EP400: variants seen among roughly 807,000 people sequenced by gnomAD.
The protein encoded by EP400 is E1A binding protein p400.
EP400 carries 105 observed loss-of-function variants against 354.1 expected under a neutral mutation model. The observed-to-expected ratio is 0.30, with a 90% CI of 0.25 to 0.35. The LOEUF (loss-of-function observed/expected upper bound fraction) is 0.35. Ranked by LOEUF, EP400 falls within the 10% of genes least tolerant of loss-of-function variation. EP400 has a pLI of 1.00. For synonymous variants in EP400, 1,646 were observed against 1,716.9 expected (o/e 0.96, Z 1.02); for missense variants, 3,280 against 4,121.0 (o/e 0.80, Z 5.59).
chr12:132,020,947 C>G (rs1894103391), intron 22 of EP400, 132 bp from the exon 23 acceptor site: 1 of 1,262,234 alleles, frequency 7.9e-7, no homozygotes, highest in South Asian at 1.7e-5. Flanking sequence ...CTCTTTTTTT[C>G]CTTAAGAGGG....
chr12:132,069,399 G>T (rs1420076676), intron 50 of EP400, 96 bp from the exon 51 acceptor site: 20 of 1,530,310 alleles, frequency 1.3e-5, no homozygotes, highest in Admixed American at 5.6e-5. Context: ...CTGGAAAGGG[G>T]CTGGGTTCTG....
chr12:132,028,077 C>T lies in EP400; in HGVS notation c.5170C>T (p.Arg1724Cys), dbSNP rs1303907188. The change falls in exon 27 of 53, where the codon CGC becomes TGC. Residue 1724 changes from arginine to cysteine, a missense_variant. Coordinates refer to ENST00000389561, the MANE Select transcript of EP400 (RefSeq NM_015409.5). ...LDQIYLVNER[R>C]CSQAPVYGRD... ...TCAGATTTATTTAGTCAACGAGCGG[C>T]GCTGTTCTCAAGCTCCAGTCTATGG... 2.5e-6 allele frequency: 4 copies of T among 1,614,040 alleles called. No homozygotes were observed. Among genetic ancestry groups the T allele is most frequent in the Middle Eastern group, 1.6e-4 (1 of 6,084 alleles).
rs1237901321 is a variant in EP400, at chr12:131,990,098, T to C, written c.2544T>C (p.Ile848=). ...AGATAGAGTGCTTTTGGTCGAATAT[T>C]GAACAGGCGAGTGCTGCCGTTGTCA... is the stretch of plus-strand genomic sequence containing the variant. ...AREIECFWSN[I]EQVVEIKLRV... is the part of the protein sequence containing the mutation. The change falls in exon 8 of 53, where the codon ATT becomes ATC. Residue 848 remains isoleucine (I), a synonymous_variant. Coordinates refer to ENST00000389561, the MANE Select transcript of EP400 (RefSeq NM_015409.5). This position sits in a 1 kb window ranked among gnomAD's most constrained non-coding sequence, Gnocchi z 4.2. 4 of 1,609,116 alleles carry C rather than the reference T, an allele frequency of 2.5e-6. No homozygotes were observed. The highest frequency in any genetic ancestry group is 1.7e-5 in the Admixed American group (1 of 58,040).
intron 30 of EP400, among the ~76,000 whole-genome samples, chr12:132,032,627 T>TTTG (rs1894555701): frequency 6.6e-6 from 1 of 151,972 alleles, no homozygotes; most frequent in African/African-American, 2.4e-5. Flanking sequence ...AATTAGTTTT[T>TTTG]TTTTTTTTTT....
At position 132,045,464 on chromosome 12, in the gene EP400, A is replaced by G. The variant is rs1895061245; in HGVS notation, c.6930A>G (p.Pro2310=). The change falls in exon 38 of 53, where the codon CCA becomes CCG. Residue 2310 remains proline, a synonymous_variant. Coordinates refer to ENST00000389561, the MANE Select transcript of EP400 (RefSeq NM_015409.5). ...ATATTCTGCTGAAGCAGCAGGTGCCATTCGCCAAGCCCCTGCCAACTTTTG... is the reference window on the plus strand; with the variant it reads ...ATATTCTGCTGAAGCAGCAGGTGCCGTTCGCCAAGCCCCTGCCAACTTTTG... ...KKNILLKQQV[P]FAKPLPTFAK... is the part of the protein sequence containing the mutation. 3.7e-6 allele frequency: 6 copies of G among 1,614,242 alleles called. No homozygotes were observed. The highest frequency in any genetic ancestry group is 5.1e-6 in the Non-Finnish European group (6 of 1,180,048).
chr12:132,034,293 T>C (rs1057234683), intron 30 of EP400, among the ~76,000 whole-genome samples: 2 of 152,218 alleles, frequency 1.3e-5, no homozygotes, highest in African/African-American at 4.8e-5. Context: ...GCATCTGAAG[T>C]GAGGCATGAG....
At chr12:132,009,125 G>A (rs1389510948) in intron 15 of EP400, among the ~76,000 whole-genome samples, 1 of 150,200 alleles carries the variant, frequency 6.7e-6, no homozygotes, top group Non-Finnish European at 1.5e-5. Context: ...CAGAGATAGG[G>A]TTTTGCCATG....
intron 16 of EP400, among the ~76,000 whole-genome samples, chr12:132,011,893 G>A (rs1011143001): frequency 3.9e-5 from 6 of 152,178 alleles, no homozygotes; most frequent in African/African-American, 1.4e-4. Flanking sequence ...AGAAAGTGGG[G>A]CAGTTTGCTC....
intron 15 of EP400, among the ~76,000 whole-genome samples, chr12:132,008,371 A>G (rs553673423): frequency 4.6e-5 from 7 of 152,306 alleles, no homozygotes; most frequent in African/African-American, 1.7e-4. Context: ...TAAGTTTTTA[A>G]GCATAAGCAG....
intron 51 of EP400, among the ~76,000 whole-genome samples, chr12:132,071,772 C>A (rs1223045730): frequency 2.6e-5 from 4 of 152,198 alleles, no homozygotes; most frequent in Non-Finnish European, 4.4e-5. Context: ...TGCACCTGTG[C>A]CCCTACCAGC....
chr12:132,011,780 C>G, intron 16 of EP400, 146 bp downstream of exon 16: 3 of 1,129,934 alleles, frequency 2.7e-6, no homozygotes, highest in Non-Finnish European at 2.4e-6. Context: ...TTATGTTGTT[C>G]CCCTCGAAAG....
rs1198675504 is a variant in EP400 at position 132,070,186 on chromosome 12, C to T, written c.9021+545C>T. Among the ~76,000 whole-genome samples, 1 of 152,080 alleles carries T rather than the reference C, an allele frequency of 6.6e-6. No homozygotes were observed. Among genetic ancestry groups the T allele is most frequent in the African/African-American group, 2.4e-5 (1 of 41,396 alleles). On this transcript the variant is annotated intron_variant, in intron 51 of 52. Transcript: ENST00000389561. This position sits in a 1 kb window ranked among gnomAD's most constrained non-coding sequence, Gnocchi z 4.1. ...CCTTCTTAGCTGGTCTTCCACCCTC[C>T]TGGAGTTGGTTTTTGGGTATGAGAT...
Position 132,050,388 on chromosome 12 carries a change from C to G in EP400, c.7266C>G (p.Thr2422=). 6.2e-7 allele frequency: 1 copy of G among 1,614,100 alleles called. No homozygotes were observed. The highest frequency in any genetic ancestry group is 8.5e-7 in the Non-Finnish European group (1 of 1,180,018). Residue 2422 remains threonine (T), a synonymous_variant, in exon 40 of 53, where the codon ACC becomes ACG. Coordinates refer to ENST00000389561, the MANE Select transcript of EP400 (RefSeq NM_015409.5). This position sits in a 1 kb window ranked among gnomAD's most constrained non-coding sequence, Gnocchi z 4.8. ...CCCAGGATGAGAATGCCACACACAC[C>G]CAGCTGTACACGAGCCACTTTGACT... The part of the protein sequence containing the change: ...IYAQDENATH[T]QLYTSHFDLM...
At chr12:131,980,553 A>G (rs1225726679) in intron 3 of EP400, among the ~76,000 whole-genome samples, 1 of 151,974 alleles carries the variant, frequency 6.6e-6, no homozygotes, top group African/African-American at 2.4e-5. Context: ...CAGTCTATCC[A>G]TCTGCTTATT....
intron 10 of EP400, among the ~76,000 whole-genome samples, chr12:131,991,814 T>C (rs1002655876): frequency 6.6e-6 from 1 of 152,116 alleles, no homozygotes; most frequent in Non-Finnish European, 1.5e-5. Flanking sequence ...CTCAAACTCC[T>C]GAGCTCAGGC....
Position 132,025,719 on chromosome 12 carries a change from C to T in EP400, c.4929C>T (p.Thr1643=), listed in dbSNP as rs371485289. Residue 1643 remains threonine (T), a synonymous_variant, in exon 25 of 53, where the codon ACC becomes ACT. Coordinates refer to ENST00000389561, the MANE Select transcript of EP400 (RefSeq NM_015409.5). The surrounding 1 kb of genome is among the most constrained non-coding windows in gnomAD (Gnocchi z 4.1). ...CCCCTGGCCCTGTGGTGATGCAGAC[C>T]GTGTCTCAGGCGGGCGCTGTGCACG... ...LRAPGPVVMQ[T]VSQAGAVHGA... is the part of the protein sequence containing the mutation. 4.6e-5 allele frequency: 75 copies of T among 1,613,232 alleles called. No individual in the cohort carries two copies. The highest frequency in any genetic ancestry group is 7.7e-5 in the South Asian group (7 of 91,050).
chr12:131,984,194 G>A (rs1004824946), intron 5 of EP400, among the ~76,000 whole-genome samples: 15 of 152,168 alleles, frequency 9.9e-5, no homozygotes, highest in Admixed American at 9.8e-4. Context: ...CACCGCACCC[G>A]GCCTACAGGT....
chr12:131,977,016 C>T lies in EP400; in HGVS notation c.1336-2678C>T, dbSNP rs1026466949. 3.3e-5 allele frequency among the ~76,000 whole-genome samples: 5 copies of T among 152,234 alleles called. No homozygotes were observed. The East Asian group carries it at 5.8e-4, about 18-fold the overall frequency. ...AATGCCATGAAACTGGAAACCTTAC[C>T]GTGTTCTATTCCCTTCTTGCGAATA... On this transcript the variant is annotated intron_variant, in intron 2 of 52. Transcript: ENST00000389561.
chr12:132,012,908 C>G (rs774377563), intron 16 of EP400, 101 bp from the exon 17 acceptor site: 87 of 1,235,380 alleles, frequency 7.0e-5, no homozygotes, highest in Middle Eastern at 2.9e-4. Context: ...TAGGTGGGAA[C>G]GGAGTCACTG....
Sources: allele counts gnomAD v4.1 joint callset (sites outside exome capture counted in the v4.1 genomes callset), GRCh38; gene constraint gnomAD v4.1.1; non-coding constraint Gnocchi (gnomAD v3.1); transcripts MANE v1.5; gene names NCBI Gene and HGNC (gene_info 2026-07-23, HGNC 2026-07-21).